Variants in CDH13 observed in about 807,000 individuals in gnomAD.
CDH13 encodes cadherin 13.
A neutral mutation model predicts 63.8 loss-of-function variants in CDH13; 24 were observed. The observed-to-expected ratio is 0.38, with a 90% CI of 0.27 to 0.53. The LOEUF (loss-of-function observed/expected upper bound fraction) is 0.53. Ranked by LOEUF, CDH13 falls within the 20% of genes least tolerant of loss-of-function variation. The pLI is 0.85. For missense variants in CDH13, 1,049 were observed against 903.1 expected (o/e 1.16, Z -2.07); for synonymous variants, 503 against 355.3 (o/e 1.42, Z -4.67).
intron 11 of CDH13, among the ~76,000 whole-genome samples, chr16:83,750,569 T>A (rs1234012797): frequency 6.6e-6 from 1 of 151,984 alleles, no homozygotes; most frequent in Non-Finnish European, 1.5e-5. Flanking sequence ...CATGCTGGAG[T>A]AAGGTGGGCC....
chr16:83,605,150 C>T (rs966963966), intron 8 of CDH13, among the ~76,000 whole-genome samples: 1 of 152,160 alleles, frequency 6.6e-6, no homozygotes, highest in Non-Finnish European at 1.5e-5. Context: ...CACACATTTT[C>T]TTCAAATGGA....
intron 11 of CDH13, among the ~76,000 whole-genome samples, chr16:83,776,073 T>C (rs1396491805): frequency 6.6e-6 from 1 of 152,214 alleles, no homozygotes; most frequent in Non-Finnish European, 1.5e-5. Flanking sequence ...ATCTTGTCTT[T>C]AACTCATCGC....
At chr16:83,328,937 T>C (rs1163158881) in intron 5 of CDH13, among the ~76,000 whole-genome samples, 3 of 152,248 alleles carry the variant, frequency 2.0e-5, no homozygotes, top group Non-Finnish European at 4.4e-5. Context: ...CTCATTTCCA[T>C]GAAGGTCTTG....
chr16:83,099,016 A>C (rs926824765), intron 3 of CDH13, among the ~76,000 whole-genome samples: 2 of 152,158 alleles, frequency 1.3e-5, no homozygotes, highest in Non-Finnish European at 2.9e-5. Context: ...GAAGATTGCT[A>C]TATATACCTA....
At chr16:83,472,064 T>C (rs941465431) in intron 6 of CDH13, among the ~76,000 whole-genome samples, 5 of 152,214 alleles carry the variant, frequency 3.3e-5, no homozygotes, top group African/African-American at 1.2e-4. Context: ...ATAACAACAA[T>C]ATTCTCAGAG....
At chr16:83,526,879 C>G (rs1263536036) in intron 7 of CDH13, among the ~76,000 whole-genome samples, 1 of 152,162 alleles carries the variant, frequency 6.6e-6, no homozygotes, top group Non-Finnish European at 1.5e-5. Flanking sequence ...TGCCCGTAAT[C>G]CCAGCACTTT....
intron 8 of CDH13, among the ~76,000 whole-genome samples, chr16:83,634,869 A>G (rs1450928208): frequency 6.6e-6 from 1 of 152,192 alleles, no homozygotes; most frequent in Non-Finnish European, 1.5e-5. Flanking sequence ...TGCTAGATTG[A>G]AGCTACTGCA....
At chr16:83,089,602 G>T (rs1482417336) in intron 3 of CDH13, among the ~76,000 whole-genome samples, 1 of 152,188 alleles carries the variant, frequency 6.6e-6, no homozygotes, top group Non-Finnish European at 1.5e-5. Flanking sequence ...TGGGGAATGG[G>T]GTTCACAGTT....
chr16:83,466,442 A>G (rs570166040), intron 6 of CDH13, among the ~76,000 whole-genome samples: 3 of 152,216 alleles, frequency 2.0e-5, no homozygotes, highest in African/African-American at 4.8e-5. Flanking sequence ...TCACCTTCCT[A>G]TGATCCACTG....
intron 1 of CDH13, among the ~76,000 whole-genome samples, chr16:82,708,661 C>G (rs1179070538): frequency 6.6e-6 from 1 of 152,146 alleles, no homozygotes; most frequent in African/African-American, 2.4e-5. Flanking sequence ...TCGCCCAGCT[C>G]AAGATAGTCA....
chr16:82,798,836 C>A (rs758998731), intron 1 of CDH13, among the ~76,000 whole-genome samples: 132 of 152,212 alleles, frequency 8.7e-4, no homozygotes, highest in Non-Finnish European at 1.0e-3. Flanking sequence ...GTTCTGGGTT[C>A]TGTGTTGAGT....
At chr16:83,049,983 GTAA>G (rs1343146244) in intron 3 of CDH13, among the ~76,000 whole-genome samples, 2 of 152,124 alleles carry the variant, frequency 1.3e-5, no homozygotes, top group Admixed American at 6.5e-5. Context: ...GTAATTGTTA[GTAA>G]TAATAATGCT....
At chr16:83,517,269 T>G (rs1228093137) in intron 7 of CDH13, among the ~76,000 whole-genome samples, 1 of 152,260 alleles carries the variant, frequency 6.6e-6, no homozygotes, top group Non-Finnish European at 1.5e-5. Flanking sequence ...ATTATCAATC[T>G]AAAAGCAAAC....
At chr16:82,877,716 G>A (rs1292426377) in intron 2 of CDH13, among the ~76,000 whole-genome samples, 2 of 151,898 alleles carry the variant, frequency 1.3e-5, no homozygotes, top group Admixed American at 1.3e-4. Context: ...AAATACCCCA[G>A]AATCTAACTC....
chr16:82,773,799 T>C lies in CDH13; in HGVS notation c.46-84563T>C, dbSNP rs189761912. On this transcript the variant is annotated intron_variant, in intron 1 of 13. Coordinates refer to ENST00000567109, the MANE Select transcript of CDH13 (RefSeq NM_001257.5). ...TTTTTCTTCTTCTTCTTCTTTTTTT[T>C]TTTAAATGGAGTTTCACACTGTCAC... Among the ~76,000 whole-genome samples the C allele has an allele frequency of 4.8e-4, 68 of 142,142 alleles. 1 individual carries two copies. In the Admixed American group the frequency reaches 5.0e-3, roughly 10 times the overall value. The allele number at this position is 142,142 out of a possible 152,430, so 93.3% of individuals were successfully genotyped here. A position where few individuals can be genotyped will look rare whatever the true frequency, so the allele number is the denominator to read the frequency against.
chr16:83,475,247 G>T (rs1429020957), intron 6 of CDH13, among the ~76,000 whole-genome samples: 1 of 152,250 alleles, frequency 6.6e-6, no homozygotes, highest in Non-Finnish European at 1.5e-5. Context: ...TCTTGAGCTT[G>T]CCTTAGACAC....
At chr16:82,940,999 T>A (rs560799496) in intron 2 of CDH13, among the ~76,000 whole-genome samples, 2 of 152,280 alleles carry the variant, frequency 1.3e-5, no homozygotes, top group African/African-American at 4.8e-5. Flanking sequence ...TGGGCTGAAA[T>A]GTTGCTTTGT....
intron 1 of CDH13, among the ~76,000 whole-genome samples, chr16:82,853,261 G>C (rs369729850): frequency 4.6e-5 from 7 of 152,150 alleles, no homozygotes; most frequent in African/African-American, 1.7e-4. Context: ...CTGATTCCCT[G>C]CTATGTCCCT....
chr16:82,864,853 G>A (rs531711336), intron 2 of CDH13, among the ~76,000 whole-genome samples: 1 of 152,258 alleles, frequency 6.6e-6, no homozygotes, highest in Non-Finnish European at 1.5e-5. Flanking sequence ...CTGAGACAAG[G>A]CAAGTCCCTT....
Sources: allele counts gnomAD v4.1 joint callset (sites outside exome capture counted in the v4.1 genomes callset), GRCh38; gene constraint gnomAD v4.1.1; transcripts MANE v1.5; gene names NCBI Gene and HGNC (gene_info 2026-07-23, HGNC 2026-07-21).